Variants in CDH13 observed in about 807,000 individuals in gnomAD.
The protein encoded by CDH13 is cadherin 13.
CDH13 carries 24 observed loss-of-function variants against 63.8 expected under a neutral mutation model. That is an observed-to-expected ratio of 0.38 (90% CI 0.27 to 0.53). The LOEUF (loss-of-function observed/expected upper bound fraction) is 0.53, where lower values mean the gene tolerates loss of function less well. CDH13 is among the 20% of genes least tolerant of loss of function. The pLI is 0.85. For synonymous variants in CDH13, 503 were observed against 355.3 expected (o/e 1.42, Z -4.67); for missense variants, 1,049 against 903.1 (o/e 1.16, Z -2.07).
rs76454709 is a variant in CDH13, at chr16:83,178,048, A to G, written c.484-39297A>G. ...AAACCCTAGCATAGAAAAAAATAGT[A>G]CCAGAACCCCTGAAATCTAGTCCTG... On this transcript the variant is annotated intron_variant, in intron 4 of 13. Transcript: ENST00000567109. Among the ~76,000 whole-genome samples the G allele has an allele frequency of 7.2e-3, 1,089 of 152,196 alleles. 9 individuals are homozygous for G. The highest frequency in any genetic ancestry group is 0.013 in the Non-Finnish European group (862 of 67,996).
chr16:83,788,826 G>A (rs563124440), intron 13 of CDH13, among the ~76,000 whole-genome samples: 9 of 152,278 alleles, frequency 5.9e-5, no homozygotes, highest in South Asian at 4.1e-4. Context: ...GTGTAAAGTC[G>A]AAATTATTCC....
chr16:83,167,382 A>C (rs2037723791), intron 4 of CDH13, among the ~76,000 whole-genome samples: 1 of 151,398 alleles, frequency 6.6e-6, no homozygotes, highest in Non-Finnish European at 1.5e-5. Flanking sequence ...CTGTAATCCC[A>C]GTTACTCACT....
chr16:82,978,361 A>G (rs964014597), intron 2 of CDH13, among the ~76,000 whole-genome samples: 3 of 152,240 alleles, frequency 2.0e-5, no homozygotes, highest in African/African-American at 7.2e-5. Context: ...GCAAAATATT[A>G]ATCACCAAGA....
At chr16:83,196,521 C>T (rs1426879051) in intron 4 of CDH13, among the ~76,000 whole-genome samples, 1 of 152,046 alleles carries the variant, frequency 6.6e-6, no homozygotes, top group African/African-American at 2.4e-5. Context: ...GGAGAAAATA[C>T]TTACAAACCA....
chr16:83,073,935 A>G (rs764321411), intron 3 of CDH13, among the ~76,000 whole-genome samples: 22 of 152,160 alleles, frequency 1.4e-4, no homozygotes, highest in Admixed American at 4.6e-4. Context: ...GTAATGGTCA[A>G]GTCAGGGAAT....
At chr16:82,985,716 T>C (rs527400328) in intron 2 of CDH13, among the ~76,000 whole-genome samples, 2 of 152,148 alleles carry the variant, frequency 1.3e-5, no homozygotes, top group African/African-American at 4.8e-5. Flanking sequence ...AATTTCATGT[T>C]GAATTGCAAT....
At position 83,428,099 on chromosome 16, in the gene CDH13, G is replaced by A. The variant is rs1175040911; in HGVS notation, c.782-58378G>A. Among the ~76,000 whole-genome samples the A allele has an allele frequency of 3.3e-5, 5 of 152,184 alleles. No homozygotes were observed. The East Asian group carries it at 7.7e-4, about 23-fold the overall frequency. ...GGGTCATTTATGTTCATAAGTTGGG[G>A]CGAAAGCTCCACTGGCTAGTAGCAG... On this transcript the variant is annotated intron_variant, in intron 6 of 13. Coordinates refer to ENST00000567109, the MANE Select transcript of CDH13 (RefSeq NM_001257.5).
intron 8 of CDH13, among the ~76,000 whole-genome samples, chr16:83,632,059 A>G (rs1163346445): frequency 2.0e-5 from 3 of 152,216 alleles, no homozygotes; most frequent in Non-Finnish European, 4.4e-5. Flanking sequence ...TTAAAGAAGA[A>G]CGAACCCAAT....
chr16:83,264,253 T>G (rs771137184), intron 5 of CDH13, among the ~76,000 whole-genome samples: 4 of 152,146 alleles, frequency 2.6e-5, no homozygotes, highest in Non-Finnish European at 5.9e-5. Context: ...TTAAGACAGG[T>G]TGTCATTTTA....
intron 2 of CDH13, among the ~76,000 whole-genome samples, chr16:82,998,721 T>G (rs527733377): frequency 2.6e-4 from 39 of 152,208 alleles, no homozygotes; most frequent in African/African-American, 5.5e-4. Flanking sequence ...GGATTTAGTA[T>G]GTTCCATATC....
intron 6 of CDH13, among the ~76,000 whole-genome samples, chr16:83,346,416 T>C (rs1385413270): frequency 6.6e-6 from 1 of 152,128 alleles, no homozygotes; most frequent in Non-Finnish European, 1.5e-5. Flanking sequence ...GGAGAACCAA[T>C]GAGGAAAGCG....
chr16:83,748,815 A>G (rs1912829834), intron 11 of CDH13, among the ~76,000 whole-genome samples: 1 of 152,194 alleles, frequency 6.6e-6, no homozygotes, highest in South Asian at 2.1e-4. Flanking sequence ...ACAAAAAGAA[A>G]GCTGTCCTCA....
At chr16:83,759,280 C>T (rs967624641) in intron 11 of CDH13, among the ~76,000 whole-genome samples, 1 of 152,134 alleles carries the variant, frequency 6.6e-6, no homozygotes, top group Non-Finnish European at 1.5e-5. Context: ...AAACACAACA[C>T]AGCAGTGCAG....
At chr16:83,056,452 C>G (rs892001097) in intron 3 of CDH13, among the ~76,000 whole-genome samples, 1 of 151,524 alleles carries the variant, frequency 6.6e-6, no homozygotes, top group Non-Finnish European at 1.5e-5. Flanking sequence ...TATGTATATA[C>G]CAAATACATA....
At chr16:83,480,585 A>C (rs2073736634) in intron 6 of CDH13, among the ~76,000 whole-genome samples, 1 of 152,172 alleles carries the variant, frequency 6.6e-6, no homozygotes, top group Admixed American at 6.5e-5. Context: ...CAGGCACTAC[A>C]GTCACATTTG....
intron 6 of CDH13, among the ~76,000 whole-genome samples, chr16:83,358,879 C>G (rs1349108921): frequency 2.6e-5 from 4 of 152,080 alleles, no homozygotes; most frequent in South Asian, 2.1e-4. Context: ...ATGATGGGAA[C>G]TTTCTTAGTG....
chr16:83,169,290 T>C (rs13338151), intron 4 of CDH13, among the ~76,000 whole-genome samples: 27,134 of 151,570 alleles, frequency 0.18, 2,562 homozygotes, highest in South Asian at 0.21. Flanking sequence ...GATTCTCCTG[T>C]CTCACCCTCC....
intron 1 of CDH13, among the ~76,000 whole-genome samples, chr16:82,791,099 T>C (rs1314558505): frequency 6.6e-6 from 1 of 152,000 alleles, no homozygotes; most frequent in Non-Finnish European, 1.5e-5. Flanking sequence ...TAGCTGGGCG[T>C]GGTGGCAGGT....
At chr16:83,285,391 G>A (rs17195859) in intron 5 of CDH13, among the ~76,000 whole-genome samples, 16,362 of 151,986 alleles carry the variant, frequency 0.11, 977 homozygotes, top group East Asian at 0.14. Context: ...GCATTTTCAT[G>A]GATTGGCTGA....
Sources: allele counts gnomAD v4.1 joint callset (sites outside exome capture counted in the v4.1 genomes callset), GRCh38; gene constraint gnomAD v4.1.1; transcripts MANE v1.5; gene names NCBI Gene and HGNC (gene_info 2026-07-23, HGNC 2026-07-21).